The following SIL1 variants were observed in gnomAD, a reference collection of about 807,000 sequenced individuals.
The protein encoded by SIL1 is SIL1 nucleotide exchange factor.
SIL1 carries 40 observed loss-of-function variants against 49.1 expected under a neutral mutation model. The ratio of observed to expected loss-of-function variants is 0.81; its 90% confidence interval spans 0.63 to 1.06. SIL1 has a LOEUF of 1.06. Ranked by LOEUF, SIL1 falls within the 50% of genes least tolerant of loss-of-function variation. The pLI, the probability that SIL1 is intolerant of heterozygous loss-of-function variation, is 0.00. For synonymous variants in SIL1, 253 were observed against 250.8 expected (o/e 1.01, Z -0.08); for missense variants, 500 against 572.6 (o/e 0.87, Z 1.29).
At chr5:139,178,400 G>T (rs1394887652) in intron 1 of SIL1, among the ~76,000 whole-genome samples, 1 of 152,062 alleles carries the variant, frequency 6.6e-6, no homozygotes, top group Non-Finnish European at 1.5e-5. Context: ...CTCTCCAAAG[G>T]CTTCCCCTGT....
chr5:139,037,986 C>G (rs1768956425), intron 5 of SIL1, among the ~76,000 whole-genome samples: 1 of 152,142 alleles, frequency 6.6e-6, no homozygotes, highest in African/African-American at 2.4e-5. Context: ...CCCTTTCTGG[C>G]TTACAGATAA....
chr5:139,027,121 T>C, intron 5 of SIL1, 129 bp from the exon 6 acceptor site: 2 of 837,974 alleles, frequency 2.4e-6, no homozygotes, highest in Non-Finnish European at 3.9e-6. Flanking sequence ...TCATCTATGC[T>C]ATCAAAAATA....
intron 7 of SIL1, among the ~76,000 whole-genome samples, chr5:138,953,938 A>C (rs373290048): frequency 6.6e-6 from 1 of 152,204 alleles, no homozygotes; most frequent in South Asian, 2.1e-4. Context: ...AGCAGCAGAG[A>C]CAAGGCCCTC....
chr5:138,976,117 A>G (rs1199572762), intron 7 of SIL1, among the ~76,000 whole-genome samples: 1 of 152,176 alleles, frequency 6.6e-6, no homozygotes, highest in African/African-American at 2.4e-5. Flanking sequence ...TTAGAACACT[A>G]TATGAGAAAA....
At chr5:139,060,149 C>A (rs994764447) in intron 3 of SIL1, among the ~76,000 whole-genome samples, 1 of 152,080 alleles carries the variant, frequency 6.6e-6, no homozygotes, top group South Asian at 2.1e-4. Flanking sequence ...TGGCTCCTGC[C>A]CCTCCATATC....
intron 3 of SIL1, among the ~76,000 whole-genome samples, chr5:139,115,052 T>C (rs1033555357): frequency 1.3e-5 from 2 of 152,074 alleles, no homozygotes; most frequent in African/African-American, 2.4e-5. Flanking sequence ...TGCATGTCTA[T>C]GTATAAAGGA....
intron 1 of SIL1, among the ~76,000 whole-genome samples, chr5:139,128,672 A>C (rs577295667): frequency 1.3e-5 from 2 of 152,176 alleles, no homozygotes; most frequent in East Asian, 3.9e-4. Flanking sequence ...AAAAAATTAA[A>C]AGAATATAAG....
intron 7 of SIL1, among the ~76,000 whole-genome samples, chr5:138,973,705 G>A (rs1767334202): frequency 6.6e-6 from 1 of 152,014 alleles, no homozygotes; most frequent in East Asian, 1.9e-4. Flanking sequence ...CCGCCTCCCA[G>A]AATGCTGGGA....
intron 1 of SIL1, among the ~76,000 whole-genome samples, chr5:139,175,780 T>C (rs189624641): frequency 3.3e-5 from 5 of 152,062 alleles, no homozygotes; most frequent in African/African-American, 7.2e-5. Flanking sequence ...CTGGGCAACA[T>C]GGTGAAAACC....
chr5:138,978,353 T>C (rs981025029), intron 7 of SIL1, among the ~76,000 whole-genome samples: 1 of 152,220 alleles, frequency 6.6e-6, no homozygotes, highest in Non-Finnish European at 1.5e-5. Flanking sequence ...TTTCATCCAT[T>C]CATAACATGT....
intron 3 of SIL1, among the ~76,000 whole-genome samples, chr5:139,076,083 G>A (rs1305072217): frequency 6.6e-6 from 1 of 152,200 alleles, no homozygotes; most frequent in East Asian, 1.9e-4. Flanking sequence ...TGACATAAGG[G>A]AAGCAGCTAA....
intron 3 of SIL1, among the ~76,000 whole-genome samples, chr5:139,112,266 C>A (rs923371850): frequency 6.6e-5 from 10 of 152,136 alleles, no homozygotes; most frequent in South Asian, 2.1e-4. Context: ...CCGGCCGCCA[C>A]CCCGTCCGAG....
chr5:138,956,418 G>A (rs1766902320), intron 7 of SIL1, among the ~76,000 whole-genome samples: 1 of 152,198 alleles, frequency 6.6e-6, no homozygotes, highest in Admixed American at 6.5e-5. Context: ...GCCATCCAGG[G>A]ATGAGTGGGG....
At chr5:139,045,739 TA>T (rs1197308457) in intron 4 of SIL1, among the ~76,000 whole-genome samples, 1 of 152,232 alleles carries the variant, frequency 6.6e-6, no homozygotes, top group Non-Finnish European at 1.5e-5. Flanking sequence ...TCTATTTCAA[TA>T]AATAGTACCA....
intron 2 of SIL1, among the ~76,000 whole-genome samples, chr5:139,125,981 T>A (rs1750744892): frequency 6.6e-6 from 1 of 152,180 alleles, no homozygotes; most frequent in Non-Finnish European, 1.5e-5. Flanking sequence ...CCTGCCCCAA[T>A]GCCTTTGGGG....
intron 2 of SIL1, among the ~76,000 whole-genome samples, chr5:139,124,599 G>A (rs1016440469): frequency 5.3e-5 from 8 of 152,236 alleles, no homozygotes; most frequent in Admixed American, 1.3e-4. Context: ...CAAAGGCCAA[G>A]GGCTCAGAAG....
chr5:139,158,266 A>T (rs1208466596), intron 1 of SIL1, among the ~76,000 whole-genome samples: 1 of 152,228 alleles, frequency 6.6e-6, no homozygotes, highest in Non-Finnish European at 1.5e-5. Context: ...TGAATGGGGG[A>T]AAGTTAATAG....
At chr5:139,151,785 A>AC (rs1487706637) in intron 1 of SIL1, among the ~76,000 whole-genome samples, 1 of 152,194 alleles carries the variant, frequency 6.6e-6, no homozygotes, top group Non-Finnish European at 1.5e-5. Context: ...TCCCACAAGC[A>AC]TTTCTGTCGG....
chr5:139,129,767 G>C (rs909159439), intron 1 of SIL1, among the ~76,000 whole-genome samples: 5 of 152,162 alleles, frequency 3.3e-5, no homozygotes, highest in Non-Finnish European at 2.9e-5. Flanking sequence ...AGAGCTAAAA[G>C]CATAAAACTT....
Sources: allele counts gnomAD v4.1 joint callset (sites outside exome capture counted in the v4.1 genomes callset), GRCh38; gene constraint gnomAD v4.1.1; transcripts MANE v1.5; gene names NCBI Gene and HGNC (gene_info 2026-07-23, HGNC 2026-07-21).